Variants in COL22A1 observed in about 807,000 individuals in gnomAD.
COL22A1 encodes the protein collagen type XXII alpha 1 chain.
A neutral mutation model predicts 248.9 loss-of-function variants in COL22A1; 221 were observed. That is an observed-to-expected ratio of 0.89 (90% CI 0.80 to 0.99). COL22A1 has a LOEUF of 0.99. Ranked by LOEUF, COL22A1 falls within the 50% of genes least tolerant of loss-of-function variation. The pLI, the probability that COL22A1 is intolerant of heterozygous loss-of-function variation, is 0.00. For synonymous variants in COL22A1, 891 were observed against 793.4 expected, an observed-to-expected ratio of 1.12 and a Z score of -2.07; for missense variants, 2,240 against 2,179.0, an observed-to-expected ratio of 1.03 and a Z score of -0.56.
chr8:138,655,385 G>T (rs1823150687), intron 45 of COL22A1, among the ~76,000 whole-genome samples: 1 of 152,032 alleles, frequency 6.6e-6, no homozygotes, highest in African/African-American at 2.4e-5. Flanking sequence ...TTGAAACAGG[G>T]TCTTGCTCTG....
At chr8:138,670,096 G>A (rs374272790) in intron 41 of COL22A1, among the ~76,000 whole-genome samples, 9 of 152,074 alleles carry the variant, frequency 5.9e-5, no homozygotes, top group East Asian at 3.9e-4. Context: ...CATGTTAGCC[G>A]GGCTGGTCTT....
rs576525436 is a variant in COL22A1, at chr8:138,912,670, G to C, written c.-73+949C>G. Among the ~76,000 whole-genome samples, 4 of 152,256 alleles carry C rather than the reference G, an allele frequency of 2.6e-5. No homozygotes were observed. In the East Asian group the frequency reaches 7.7e-4, roughly 29 times the overall value. On this transcript the variant is annotated intron_variant, in intron 1 of 64. Transcript: ENST00000303045. ...CAGGAGGAGAATCGCTTGAACCCGGGAGGCAGAGGTCACAGTGAGCCGAGG... is the reference window on the plus strand; with the variant it reads ...CAGGAGGAGAATCGCTTGAACCCGGCAGGCAGAGGTCACAGTGAGCCGAGG...
intron 4 of COL22A1, 102 bp downstream of exon 4, chr8:138,843,982 G>A (rs1821057245): frequency 2.0e-6 from 2 of 988,438 alleles, no homozygotes; most frequent in African/African-American, 3.2e-5. Context: ...ATGGGAACAA[G>A]AACAGGGTCA....
chr8:138,611,531 C>T (rs555728906), intron 56 of COL22A1, among the ~76,000 whole-genome samples: 44 of 152,342 alleles, frequency 2.9e-4, no homozygotes, highest in Admixed American at 1.1e-3. Flanking sequence ...ACTCCCTCCC[C>T]AGTTGCCTTT....
At chr8:138,865,180 A>C (rs1341568024) in intron 3 of COL22A1, among the ~76,000 whole-genome samples, 1 of 152,108 alleles carries the variant, frequency 6.6e-6, no homozygotes, top group Non-Finnish European at 1.5e-5. Context: ...GTTTTAACAG[A>C]GTTTTTTTTT....
chr8:138,845,424 G>A (rs374516672), intron 3 of COL22A1, among the ~76,000 whole-genome samples: 9 of 152,042 alleles, frequency 5.9e-5, no homozygotes, highest in South Asian at 2.1e-4. Context: ...CAGGAGAATC[G>A]CTTGAACCTG....
intron 47 of COL22A1, among the ~76,000 whole-genome samples, chr8:138,645,382 C>CCT (rs1362965883): frequency 6.6e-6 from 1 of 152,108 alleles, no homozygotes; most frequent in East Asian, 1.9e-4. Flanking sequence ...CGCCCTGAAT[C>CCT]CTCTCTCTCT....
At chr8:138,683,362 C>T (rs1175438045) in intron 39 of COL22A1, among the ~76,000 whole-genome samples, 3 of 152,208 alleles carry the variant, frequency 2.0e-5, no homozygotes, top group Non-Finnish European at 2.9e-5. Context: ...TAGGAAACTT[C>T]CCTGTCCACT....
intron 49 of COL22A1, among the ~76,000 whole-genome samples, chr8:138,633,241 T>C (rs1423097710): frequency 1.3e-5 from 2 of 152,320 alleles, no homozygotes; most frequent in African/African-American, 2.4e-5. Flanking sequence ...CTATTAACAG[T>C]ACAAAGCACG....
intron 10 of COL22A1, among the ~76,000 whole-genome samples, chr8:138,805,910 TG>T (rs1335816546): frequency 7.1e-6 from 1 of 140,292 alleles, no homozygotes; most frequent in Non-Finnish European, 1.5e-5. Flanking sequence ...GTAGGTGTGA[TG>T]GTGTAGGTGA....
chr8:138,687,925 A>G (rs545533080), intron 37 of COL22A1, among the ~76,000 whole-genome samples: 5 of 152,294 alleles, frequency 3.3e-5, no homozygotes, highest in Admixed American at 2.6e-4. Flanking sequence ...TGACAACAAA[A>G]AATATCTCCC....
chr8:138,790,324 T>C (rs1266160710), intron 12 of COL22A1, among the ~76,000 whole-genome samples: 1 of 152,194 alleles, frequency 6.6e-6, no homozygotes, highest in African/African-American at 2.4e-5. Context: ...TCCACCCTCA[T>C]GACCCAATCA....
intron 23 of COL22A1, among the ~76,000 whole-genome samples, chr8:138,736,370 G>T (rs1831111870): frequency 6.6e-6 from 1 of 151,976 alleles, no homozygotes; most frequent in Non-Finnish European, 1.5e-5. Flanking sequence ...GCCATGTTTT[G>T]TCCACACTGT....
At chr8:138,610,932 G>A (rs1818811457) in intron 56 of COL22A1, among the ~76,000 whole-genome samples, 1 of 152,142 alleles carries the variant, frequency 6.6e-6, no homozygotes, top group East Asian at 1.9e-4. Context: ...TGGGCATGGT[G>A]GTATGCACTT....
In COL22A1 at chr8:138,821,373, C is replaced by T. The variant is rs201342892; in HGVS notation, c.1008G>A (p.Glu336=). ...CTTTCATGGCACCCACAGCGTTGTA[C>T]TCGACTGCCTTGTTTTCACCATCCA... ...IRLDGENKAV[E]YNAVGAMKDA... is the part of the protein sequence containing the mutation. Residue 336 remains glutamate, a synonymous_variant, in exon 7 of 65, where the codon GAG becomes GAA. Transcript: ENST00000303045. The T allele has an allele frequency of 1.8e-4, 298 of 1,613,940 alleles. No homozygotes were observed. The highest frequency in any genetic ancestry group is 2.4e-4 in the Non-Finnish European group (286 of 1,179,948).
chr8:138,837,693 G>A (rs769803622), intron 4 of COL22A1, among the ~76,000 whole-genome samples: 1 of 152,210 alleles, frequency 6.6e-6, no homozygotes, highest in Non-Finnish European at 1.5e-5. Context: ...AGCAGTGGGA[G>A]GGGCTGGTGC....
At chr8:138,795,499 A>T (rs1286002896) in intron 12 of COL22A1, among the ~76,000 whole-genome samples, 1 of 143,976 alleles carries the variant, frequency 6.9e-6, no homozygotes, top group Admixed American at 6.8e-5. Flanking sequence ...TCCATCATTA[A>T]TTTCTCTGTC....
chr8:138,692,077 T>C (rs1001833813), intron 35 of COL22A1, among the ~76,000 whole-genome samples: 10 of 109,720 alleles, frequency 9.1e-5, no homozygotes, highest in Non-Finnish European at 1.5e-4. Context: ...TGTGGAGGTG[T>C]ATGTGTATAC....
chr8:138,856,570 CAG>C lies in COL22A1; in HGVS notation c.659-12414_659-12413del, dbSNP rs936642816. 2.1e-5 allele frequency among the ~76,000 whole-genome samples: 3 copies of C among 140,388 alleles called. No homozygotes were observed. In the East Asian group the frequency reaches 6.3e-4, roughly 30 times the overall value. 92.1% of individuals were successfully genotyped at this position (140,388 alleles called of 152,430 possible). A position where few individuals can be genotyped will look rare whatever the true frequency, so the allele number is the denominator to read the frequency against. On this transcript the variant is annotated intron_variant, in intron 3 of 64. Coordinates refer to ENST00000303045, the MANE Select transcript of COL22A1 (RefSeq NM_152888.3). ...ACAGAGAGACAGCAAGAGAGAGGGA[CAG>C]AGAGAGAGACAGAGGCAGTGAGAGA... is the stretch of plus-strand genomic sequence containing the variant.
Sources: allele counts gnomAD v4.1 joint callset (sites outside exome capture counted in the v4.1 genomes callset), GRCh38; gene constraint gnomAD v4.1.1; transcripts MANE v1.5; gene names NCBI Gene and HGNC (gene_info 2026-07-23, HGNC 2026-07-21).